Variants in ZCRB1 observed in about 807,000 individuals in gnomAD.
ZCRB1 encodes the protein zinc finger CCHC-type and RNA binding motif containing 1.
A neutral mutation model predicts 29.9 loss-of-function variants in ZCRB1; 21 were observed. The observed-to-expected ratio is 0.70, with a 90% confidence interval of 0.50 to 1.01. The LOEUF (loss-of-function observed/expected upper bound fraction) is 1.01. ZCRB1 is among the 50% of genes least tolerant of loss of function. ZCRB1 has a pLI of 0.00. For missense variants in ZCRB1, 204 were observed against 253.3 expected (o/e 0.81, Z 1.32); for synonymous variants, 77 against 80.0 (o/e 0.96, Z 0.20).
At chr12:42,322,039 G>GA (rs910504296) in intron 3 of ZCRB1, among the ~76,000 whole-genome samples, 116 of 151,464 alleles carry the variant, frequency 7.7e-4, no homozygotes, top group Middle Eastern at 3.4e-3. Flanking sequence ...CTATTTATAT[G>GA]AAAAAAAACA....
At chr12:42,314,078 A>C in intron 5 of ZCRB1, 92 bp from the exon 6 acceptor site, 2 of 1,355,434 alleles carry the variant, frequency 1.5e-6, no homozygotes, top group South Asian at 2.9e-5. Flanking sequence ...AAAAGTTTTC[A>C]AATTTAAAAA....
At chr12:42,324,151 C>CT (rs369802106) in intron 1 of ZCRB1, 47 bp from the exon 2 acceptor site, 3,028 of 1,460,410 alleles carry the variant, frequency 2.1e-3, no homozygotes, top group Non-Finnish European at 2.3e-3. Flanking sequence ...AACCAGGATT[C>CT]TTTTTTTGTT....
chr12:42,317,319 T>G, intron 5 of ZCRB1, 21 bp downstream of exon 5: 1 of 1,545,150 alleles, frequency 6.5e-7, no homozygotes, highest in Non-Finnish European at 8.8e-7. Context: ...GAAAGTTCCA[T>G]TAAGTTTTAG....
At chr12:42,313,559 C>G in intron 7 of ZCRB1, 131 bp downstream of exon 7, 1 of 964,968 alleles carries the variant, frequency 1.0e-6, no homozygotes, top group Non-Finnish European at 1.5e-6. Context: ...CTCAGAGAAA[C>G]AGCTTGTCTC....
At chr12:42,313,490 G>T (rs548328308) in intron 7 of ZCRB1, among the ~76,000 whole-genome samples, 200 bp downstream of exon 7, 1 of 152,210 alleles carries the variant, frequency 6.6e-6, no homozygotes, top group East Asian at 1.9e-4. Flanking sequence ...TAAGTGTTGT[G>T]GGGCCCTTAA....
chr12:42,318,942 C>G (rs2068608119), intron 3 of ZCRB1, among the ~76,000 whole-genome samples: 1 of 151,950 alleles, frequency 6.6e-6, no homozygotes, highest in South Asian at 2.1e-4. Flanking sequence ...GATAAAAGAC[C>G]AATAAATAAG....
rs1175657630 is a variant in ZCRB1 at position 42,312,796 on chromosome 12, TTAATA to T, written c.*266_*270del. 24 of 204,724 alleles carry T rather than the reference TTAATA, an allele frequency of 1.2e-4. No homozygotes were observed. Among genetic ancestry groups the T allele is most frequent in the African/African-American group, 4.1e-4 (18 of 43,564 alleles). 12.7% of individuals were successfully genotyped at this position (204,724 alleles called of 1,614,324 possible). A position where few individuals can be genotyped will look rare whatever the true frequency, so the allele number is the denominator to read the frequency against. On this transcript the variant is annotated 3_prime_UTR_variant, in exon 8 of 8. Transcript: ENST00000266529. ...AGACAAAATTCTCTTGAAAAGTTTA[TTAATA>T]TAAGTAACAATAAATCATTCAACTT...
chr12:42,318,226 T>C (rs935170327), intron 3 of ZCRB1, among the ~76,000 whole-genome samples: 2 of 152,062 alleles, frequency 1.3e-5, no homozygotes, highest in African/African-American at 4.8e-5. Context: ...CAAAACAAAA[T>C]AAAGGTATAC....
chr12:42,318,852 G>C (rs576315584), intron 3 of ZCRB1, among the ~76,000 whole-genome samples: 39 of 152,148 alleles, frequency 2.6e-4, no homozygotes, highest in African/African-American at 8.4e-4. Context: ...GCCAAATCAA[G>C]GACAATTTGA....
At position 42,322,419 on chromosome 12, in the gene ZCRB1, T is replaced by G. The variant is rs749465946; in HGVS notation, c.112A>C (p.Lys38Gln). The change falls in exon 3 of 8, where the codon AAG becomes CAG. Residue 38 changes from lysine to glutamine, a missense_variant and splice_region_variant. By Grantham distance (53) the Lys-to-Gln change is moderately conservative. Transcript: ENST00000266529. ...ACAAAATTTAATGTGAATACTTACT[T>G]TACAACTTTGCCATACTTGGAAAAT... Reference protein sequence around the residue: ...RIFSKYGKVVKVTIMKDKDTR... With the variant: ...RIFSKYGKVVQVTIMKDKDTR... 3 of 1,478,732 alleles carry G rather than the reference T, an allele frequency of 2.0e-6. No individual in the cohort carries two copies. The Admixed American group carries it at 6.8e-5, about 34-fold the overall frequency. 91.6% of individuals were successfully genotyped at this position (1,478,732 alleles called of 1,614,324 possible). A position where few individuals can be genotyped will look rare whatever the true frequency, so the allele number is the denominator to read the frequency against.
At chr12:42,315,967 G>A (rs1459910312) in intron 5 of ZCRB1, among the ~76,000 whole-genome samples, 1 of 152,078 alleles carries the variant, frequency 6.6e-6, no homozygotes, top group African/African-American at 2.4e-5. Flanking sequence ...TGACAGTGGG[G>A]TAGAGGACCT....
intron 4 of ZCRB1, 134 bp from the exon 5 acceptor site, chr12:42,317,581 T>C (rs1278754831): frequency 1.2e-6 from 1 of 845,918 alleles, no homozygotes; most frequent in East Asian, 2.7e-5. Flanking sequence ...GTGTGATAAA[T>C]TCTATTCTGT....
At chr12:42,315,532 C>A (rs531573586) in intron 5 of ZCRB1, among the ~76,000 whole-genome samples, 1 of 152,110 alleles carries the variant, frequency 6.6e-6, no homozygotes, top group South Asian at 2.1e-4. Context: ...ATTAACATAT[C>A]CCATACTAAA....
rs538324507 is a variant in ZCRB1 at position 42,320,918 on chromosome 12, T to C, written c.113+1500A>G. Among the ~76,000 whole-genome samples, 13 of 152,356 alleles carry C rather than the reference T, an allele frequency of 8.5e-5. No individual in the cohort carries two copies. In the South Asian group the frequency reaches 2.7e-3, roughly 32 times the overall value. On this transcript the variant is annotated intron_variant, in intron 3 of 7. Coordinates refer to ENST00000266529, the MANE Select transcript of ZCRB1 (RefSeq NM_033114.4). Reference sequence around the variant, plus strand: ...TGACCAAGAAGTAAGATGAGGAACCTGCTTCCATCTCTGGAGCCACCTTGT... The same window carrying C: ...TGACCAAGAAGTAAGATGAGGAACCCGCTTCCATCTCTGGAGCCACCTTGT...
At position 42,312,189 on chromosome 12, in the gene ZCRB1, G is replaced by A. The variant is rs928150371; in HGVS notation, c.*878C>T. The A allele has an allele frequency of 1.3e-5, 2 of 152,002 alleles. No homozygotes were observed. Among genetic ancestry groups the A allele is most frequent in the Non-Finnish European group, 2.9e-5 (2 of 68,006 alleles). The allele number at this position is 152,002 out of a possible 1,614,324, so 9.4% of individuals were successfully genotyped here. A position where few individuals can be genotyped will look rare whatever the true frequency, so the allele number is the denominator to read the frequency against. Reference sequence around the variant, plus strand: ...TCTATTGCTTTTACTAGTTAAAAAAGTAATGGGCATTCTTACAAAGTTAAA... The same window carrying A: ...TCTATTGCTTTTACTAGTTAAAAAAATAATGGGCATTCTTACAAAGTTAAA... On this transcript the variant is annotated 3_prime_UTR_variant, in exon 8 of 8. Transcript: ENST00000266529.
intron 7 of ZCRB1, 121 bp downstream of exon 7, chr12:42,313,569 C>T (rs935274769): frequency 9.4e-7 from 1 of 1,065,588 alleles, no homozygotes; most frequent in Non-Finnish European, 1.4e-6. Flanking sequence ...CAGCTTGTCT[C>T]CTAAGGCTTA....
At chr12:42,316,771 A>T (rs1224322503) in intron 5 of ZCRB1, among the ~76,000 whole-genome samples, 1 of 152,262 alleles carries the variant, frequency 6.6e-6, no homozygotes, top group Non-Finnish European at 1.5e-5. Flanking sequence ...CAAGACAGTG[A>T]CATAAGTAAT....
At chr12:42,322,375 TA>T (rs761416982) in intron 3 of ZCRB1, 42 bp downstream of exon 3, 150 of 1,430,214 alleles carry the variant, frequency 1.0e-4, no homozygotes, top group Non-Finnish European at 1.2e-4. Flanking sequence ...CAAATTCAGA[TA>T]AACTTTTAAA....
At position 42,315,290 on chromosome 12, in the gene ZCRB1, T is replaced by C. The variant is rs146200376; in HGVS notation, c.334-1304A>G. ...AATCTGGACATCAGCTCACTACAATTCCATTTAAGAGGTTATGTCAGGGTA... is the reference window on the plus strand; with the variant it reads ...AATCTGGACATCAGCTCACTACAATCCCATTTAAGAGGTTATGTCAGGGTA... On this transcript the variant is annotated intron_variant, in intron 5 of 7. Transcript: ENST00000266529. Among the ~76,000 whole-genome samples, 1,141 of 152,254 alleles carry C rather than the reference T, an allele frequency of 7.5e-3. 18 individuals carry two copies. The highest frequency in any genetic ancestry group is 0.026 in the African/African-American group (1,079 of 41,552).
Sources: allele counts gnomAD v4.1 joint callset (sites outside exome capture counted in the v4.1 genomes callset), GRCh38; gene constraint gnomAD v4.1.1; transcripts MANE v1.5; gene names NCBI Gene and HGNC (gene_info 2026-07-23, HGNC 2026-07-21).